PRDM10: variants seen among roughly 807,000 people sequenced by gnomAD.
PRDM10 encodes the protein PR domain zinc finger protein 10.
In PRDM10, 65 loss-of-function variants were observed where a neutral mutation model predicts 133.1. The ratio of observed to expected loss-of-function variants is 0.49; its 90% CI spans 0.40 to 0.60. The LOEUF (loss-of-function observed/expected upper bound fraction) is 0.60. PRDM10 is among the 20% of genes least tolerant of loss of function. The pLI is 0.00. For missense variants in PRDM10, 1,137 were observed against 1,507.1 expected, an observed-to-expected ratio of 0.75 and a Z score of 4.07; for synonymous variants, 582 against 580.4, an observed-to-expected ratio of 1.00 and a Z score of -0.04.
intron 16 of PRDM10, among the ~76,000 whole-genome samples, chr11:129,915,443 C>T (rs776246792): frequency 6.6e-6 from 1 of 152,222 alleles, no homozygotes; most frequent in Non-Finnish European, 1.5e-5. Flanking sequence ...GCCAGCTGCT[C>T]GGGCTGCTGT....
At chr11:129,963,887 C>T (rs1017096098) in intron 1 of PRDM10, among the ~76,000 whole-genome samples, 8 of 152,128 alleles carry the variant, frequency 5.3e-5, no homozygotes, top group Non-Finnish European at 1.2e-4. Flanking sequence ...GGATGCAATC[C>T]GGTACTGCAC....
Position 129,961,085 on chromosome 11 carries a change from G to A in PRDM10, c.-118-3C>T. 1 of 668,910 alleles carries A rather than the reference G, an allele frequency of 1.5e-6. No homozygotes were observed. The highest frequency in any genetic ancestry group is 2.4e-6 in the Non-Finnish European group (1 of 413,258). 41.4% of individuals were successfully genotyped at this position (668,910 alleles called of 1,614,324 possible). ...GGAAAGGTCTGTCTGCAGCATGCCT[G>A]AGAAAACACAGAAAAGGAACCAAGA... On this transcript the variant is annotated splice_polypyrimidine_tract_variant and splice_region_variant and intron_variant, in intron 1 of 20. Transcript: ENST00000360871.
At chr11:129,951,217 T>C (rs1214232394) in intron 4 of PRDM10, among the ~76,000 whole-genome samples, 2 of 152,234 alleles carry the variant, frequency 1.3e-5, no homozygotes, top group African/African-American at 4.8e-5. Flanking sequence ...AGGCAGGTAT[T>C]TGAATCCCTC....
chr11:129,973,443 T>C (rs1937617507), intron 1 of PRDM10, among the ~76,000 whole-genome samples: 1 of 152,236 alleles, frequency 6.6e-6, no homozygotes, highest in South Asian at 2.1e-4. Context: ...ACAACTTAGA[T>C]ATGAATTAAA....
intron 18 of PRDM10, 121 bp from the exon 19 acceptor site, chr11:129,910,777 T>C: frequency 1.0e-6 from 1 of 988,080 alleles, no homozygotes; most frequent in Non-Finnish European, 1.4e-6. Context: ...CTATCGTTGC[T>C]ATTTTTTTTT....
At chr11:129,922,215 A>T (rs1343272094) in intron 13 of PRDM10, among the ~76,000 whole-genome samples, 2 of 152,232 alleles carry the variant, frequency 1.3e-5, no homozygotes, top group Non-Finnish European at 2.9e-5. Context: ...CAAGCAAAGA[A>T]ATTTTAAAGA....
chr11:129,986,067 T>C (rs973068963), intron 1 of PRDM10, among the ~76,000 whole-genome samples: 1 of 151,892 alleles, frequency 6.6e-6, no homozygotes, highest in Admixed American at 6.6e-5. Context: ...CTGGGGTGTG[T>C]GGTTCTGCAA....
intron 20 of PRDM10, among the ~76,000 whole-genome samples, chr11:129,903,275 G>A (rs1303953389): frequency 6.2e-5 from 9 of 145,948 alleles, no homozygotes; most frequent in African/African-American, 1.5e-4. Context: ...TCAAGCCTGG[G>A]CAACAAGAGC....
Position 129,931,103 on chromosome 11 carries a change from C to A in PRDM10, c.1443G>T (p.Leu481=). ...SLEHEPETHT[L]HLQPQHEESV... ...TCTCTTCATGCTGCGGCTGCAGGTGCAGGGTGTGAGTTTCTGGTTCATGTT... is the reference window on the plus strand; with the variant it reads ...TCTCTTCATGCTGCGGCTGCAGGTGAAGGGTGTGAGTTTCTGGTTCATGTT... The change falls in exon 11 of 21, where the codon CTG becomes CTT. Residue 481 remains leucine, a synonymous_variant. Transcript: ENST00000360871. 1 of 1,614,188 alleles carries A rather than the reference C, an allele frequency of 6.2e-7. No homozygotes were observed. Among genetic ancestry groups the A allele is most frequent in the Non-Finnish European group, 8.5e-7 (1 of 1,180,022 alleles).
intron 1 of PRDM10, among the ~76,000 whole-genome samples, chr11:129,976,610 C>T (rs963615550): frequency 6.6e-6 from 1 of 152,166 alleles, no homozygotes; most frequent in Admixed American, 6.5e-5. Context: ...AGAGATGTCA[C>T]ATTAAATCAC....
chr11:129,905,074 C>T (rs1336319886), intron 20 of PRDM10, among the ~76,000 whole-genome samples: 1 of 152,076 alleles, frequency 6.6e-6, no homozygotes, highest in Admixed American at 6.5e-5. Flanking sequence ...TATAAAAACG[C>T]TCATAAGGGC....
intron 1 of PRDM10, among the ~76,000 whole-genome samples, chr11:129,994,856 C>T (rs1005390941): frequency 1.6e-4 from 24 of 152,068 alleles, no homozygotes; most frequent in African/African-American, 5.5e-4. Context: ...GGCTTCACCG[C>T]GTTAGCCAGG....
At position 129,902,241 on chromosome 11, in the gene PRDM10, TACGTGTCAGAGCTTTCAG is replaced by T. The variant is rs1303705063; in HGVS notation, c.*54_*71del. ...AATAATAAATCTTACAAAAGAGCTCTACGTGTCAGAGCTTTCAGACTTATGAGAACAGACATGAGGTGG... is the reference window on the plus strand; with the variant it reads ...AATAATAAATCTTACAAAAGAGCTCTACTTATGAGAACAGACATGAGGTGG... On this transcript the variant is annotated 3_prime_UTR_variant, in exon 21 of 21. Transcript: ENST00000360871. 3 of 1,522,590 alleles carry T rather than the reference TACGTGTCAGAGCTTTCAG, an allele frequency of 2.0e-6. No homozygotes were observed. In the African/African-American group the frequency reaches 4.1e-5, roughly 21 times the overall value. The allele number at this position is 1,522,590 out of a possible 1,614,324, so 94.3% of individuals were successfully genotyped here.
chr11:129,937,759 A>G, intron 7 of PRDM10, 89 bp from the exon 8 acceptor site: 2 of 1,214,196 alleles, frequency 1.6e-6, no homozygotes, highest in Non-Finnish European at 2.3e-6. Context: ...TACAGGAAAC[A>G]ATTCAGGCTT....
chr11:129,914,807 G>A lies in PRDM10; in HGVS notation c.2738C>T (p.Pro913Leu). 1.2e-6 allele frequency: 2 copies of A among 1,614,198 alleles called. No individual in the cohort carries two copies. Among genetic ancestry groups the A allele is most frequent in the Non-Finnish European group, 1.7e-6 (2 of 1,180,038 alleles). The change falls in exon 17 of 21, where the codon CCA becomes CTA. Residue 913 changes from proline (P) to leucine (L), a missense_variant. Pro to Leu is a moderately conservative substitution (Grantham distance 98, BLOSUM62 -3). This residue lies in a region of PRDM10 where 113 missense variants were observed against 143.7 expected (regional missense o/e 0.79). Transcript: ENST00000360871. ...CTGAATTCTCTGGTAATCCCCTTGT[G>A]GCGTTCGGTAGTCTGTCGTTAAGGT... ...SQTLTTDYRT[P>L]QGDYQRIQYI...
chr11:129,902,041 C>A lies in PRDM10; in HGVS notation c.*272G>T. On this transcript the variant is annotated 3_prime_UTR_variant, in exon 21 of 21. Transcript: ENST00000360871. ...AAGGCTCGTCAGTATGTTAAAAGAC[C>A]AGCTCAAGAGCAAGGCAAATTCTCT... 1 of 393,310 alleles carries A rather than the reference C, an allele frequency of 2.5e-6. No homozygotes were observed. Among genetic ancestry groups the A allele is most frequent in the Non-Finnish European group, 4.6e-6 (1 of 218,978 alleles). 24.4% of individuals were successfully genotyped at this position (393,310 alleles called of 1,614,324 possible).
At chr11:129,938,906 T>G (rs924047547) in intron 7 of PRDM10, among the ~76,000 whole-genome samples, 16 of 152,198 alleles carry the variant, frequency 1.1e-4, no homozygotes, top group Non-Finnish European at 2.2e-4. Context: ...TGCTTTCAAC[T>G]GCTCAAACAT....
At chr11:129,989,703 C>T (rs1179138256) in intron 1 of PRDM10, among the ~76,000 whole-genome samples, 3 of 152,040 alleles carry the variant, frequency 2.0e-5, no homozygotes, top group Non-Finnish European at 4.4e-5. Context: ...CTCAATAAAC[C>T]CATGTGCTTT....
intron 4 of PRDM10, among the ~76,000 whole-genome samples, chr11:129,953,036 C>T (rs1271691795): frequency 3.3e-5 from 5 of 151,816 alleles, no homozygotes; most frequent in African/African-American, 9.7e-5. Flanking sequence ...TGCAATGGCA[C>T]GATCTCAGCT....
Sources: allele counts gnomAD v4.1 joint callset (sites outside exome capture counted in the v4.1 genomes callset), GRCh38; gene constraint gnomAD v4.1.1; regional missense constraint gnomAD v4.1.1; transcripts MANE v1.5; gene names NCBI Gene and HGNC (gene_info 2026-07-23, HGNC 2026-07-21).